Variants in MYO16 observed in about 807,000 individuals in gnomAD.
The protein encoded by MYO16 is unconventional myosin-XVI.
Under a neutral mutation model 205.3 loss-of-function variants are expected in MYO16, and 94 were observed. That is an observed-to-expected ratio of 0.46 (90% CI 0.39 to 0.54). MYO16 has a LOEUF of 0.54. Among genes scored for constraint, MYO16 ranks in the 20% least tolerant of loss-of-function variants. The pLI, the probability that MYO16 is intolerant of heterozygous loss-of-function variation, is 0.00. For missense variants in MYO16, 2,315 were observed against 2,387.5 expected (o/e 0.97, Z 0.63); for synonymous variants, 988 against 954.0 (o/e 1.04, Z -0.66).
chr13:108,693,665 C>T (rs7993264), intron 2 of MYO16, among the ~76,000 whole-genome samples: 35,061 of 152,026 alleles, frequency 0.23, 4,617 homozygotes, highest in East Asian at 0.45. Flanking sequence ...CTTTGGGCTG[C>T]TGTTGATAGG....
chr13:108,646,338 C>T (rs1357076432), intron 1 of MYO16, among the ~76,000 whole-genome samples: 2 of 152,092 alleles, frequency 1.3e-5, no homozygotes, highest in African/African-American at 4.8e-5. Context: ...ACCACATAAC[C>T]CCATTTTATT....
In MYO16 at chr13:109,207,709, A is replaced by G. The variant is rs1880662095; in HGVS notation, c.*873A>G. 1 of 152,248 alleles carries G rather than the reference A, an allele frequency of 6.6e-6. No individual in the cohort carries two copies. 9.4% of individuals were successfully genotyped at this position (152,248 alleles called of 1,614,324 possible). A position where few individuals can be genotyped will look rare whatever the true frequency, so the allele number is the denominator to read the frequency against. On this transcript the variant is annotated 3_prime_UTR_variant, in exon 35 of 35. Transcript: ENST00000457511. ...CCATAGCCGGTGGTGTAAAATGATC[A>G]TATTCATTCAAAGGCCTACACAGTA... is the stretch of plus-strand genomic sequence containing the variant.
intron 14 of MYO16, among the ~76,000 whole-genome samples, chr13:108,895,574 T>G (rs938730663): frequency 6.6e-6 from 1 of 152,198 alleles, no homozygotes; most frequent in African/African-American, 2.4e-5. Context: ...TTCTATGTCT[T>G]TATTGGTATT....
intron 9 of MYO16, among the ~76,000 whole-genome samples, chr13:108,840,303 G>C (rs1003099046): frequency 3.9e-5 from 6 of 151,982 alleles, no homozygotes; most frequent in Admixed American, 3.3e-4. Flanking sequence ...CTTTCCATCA[G>C]GCCTGACCTA....
rs1419672491 is a variant in MYO16 at position 109,019,803 on chromosome 13, A to G, written c.2688A>G (p.Leu896=). The change falls in exon 23 of 35, where the codon CTA becomes CTG. Residue 896 remains leucine (L), a synonymous_variant. Coordinates refer to ENST00000457511, the MANE Select transcript of MYO16 (RefSeq NM_001198950.3). ...TTCCAAAAAAACTACAAAGTCTCCT[A>G]GAATCCTCAAACACAAATGCGGTGT... ...SNFPKKLQSL[L]ESSNTNAVYS... 4 of 1,614,032 alleles carry G rather than the reference A, an allele frequency of 2.5e-6. No homozygotes were observed. The African/African-American group carries it at 5.3e-5, about 22-fold the overall frequency.
chr13:108,631,674 G>T (rs1421335718), intron 1 of MYO16, among the ~76,000 whole-genome samples: 1 of 152,146 alleles, frequency 6.6e-6, no homozygotes, highest in Admixed American at 6.5e-5. Context: ...CTGGAGAAAT[G>T]GTGCGATGTG....
intron 20 of MYO16, 37 bp from the exon 21 acceptor site, chr13:108,992,339 G>A: frequency 6.7e-7 from 1 of 1,486,816 alleles, no homozygotes; most frequent in Non-Finnish European, 9.3e-7. Context: ...GGAGTTTTAA[G>A]GATGCCCATT....
At chr13:108,768,922 A>C (rs1350695536) in intron 4 of MYO16, among the ~76,000 whole-genome samples, 1 of 152,002 alleles carries the variant, frequency 6.6e-6, no homozygotes, top group African/African-American at 2.4e-5. Flanking sequence ...GGCCATGAAC[A>C]TGTGAAGAAA....
At chr13:109,065,074 AC>A (rs989304067) in intron 27 of MYO16, among the ~76,000 whole-genome samples, 1 of 152,134 alleles carries the variant, frequency 6.6e-6, no homozygotes, top group Admixed American at 6.5e-5. Flanking sequence ...GGGGATGCAC[AC>A]GATGGTCCCT....
intron 6 of MYO16, among the ~76,000 whole-genome samples, chr13:108,804,118 A>G (rs1566339645): frequency 6.6e-6 from 1 of 152,100 alleles, no homozygotes; most frequent in Non-Finnish European, 1.5e-5. Flanking sequence ...TGGGCCAGTT[A>G]CCTAAACTCT....
intron 16 of MYO16, among the ~76,000 whole-genome samples, chr13:108,926,520 G>A (rs1882013339): frequency 6.6e-6 from 1 of 152,152 alleles, no homozygotes; most frequent in Admixed American, 6.5e-5. Context: ...CGCAGGAGAA[G>A]TGAAAAGCAG....
At chr13:108,524,745 G>C in the MYO16 span, among the ~76,000 whole-genome samples, 1 of 152,110 alleles carries the variant, frequency 6.6e-6, no homozygotes, top group Non-Finnish European at 1.5e-5. Flanking sequence ...CTGGAGCATG[G>C]ATTGGGATTG....
intron 27 of MYO16, among the ~76,000 whole-genome samples, chr13:109,070,246 A>G (rs977986516): frequency 1.9e-4 from 29 of 152,316 alleles, no homozygotes; most frequent in African/African-American, 7.0e-4. Flanking sequence ...CATAAGTCTC[A>G]TTGGATTTCA....
At chr13:108,797,886 TAATC>T (rs1886840072) in intron 6 of MYO16, among the ~76,000 whole-genome samples, 1 of 152,040 alleles carries the variant, frequency 6.6e-6, no homozygotes, top group Admixed American at 6.5e-5. Context: ...GCTATTGAAG[TAATC>T]AATACAGAGC....
intron 9 of MYO16, among the ~76,000 whole-genome samples, chr13:108,831,670 A>T (rs527336748): frequency 2.7e-4 from 41 of 152,060 alleles, no homozygotes; most frequent in Non-Finnish European, 4.3e-4. Context: ...CCACCACCAC[A>T]CCCAGCTAAT....
chr13:108,805,360 G>A (rs569896394), intron 6 of MYO16, among the ~76,000 whole-genome samples: 14 of 152,130 alleles, frequency 9.2e-5, no homozygotes, highest in Non-Finnish European at 1.8e-4. Context: ...TTTACACTCC[G>A]TAGATTGAAG....
intron 12 of MYO16, among the ~76,000 whole-genome samples, chr13:108,876,000 T>C (rs1182237668): frequency 6.6e-6 from 1 of 151,854 alleles, no homozygotes; most frequent in East Asian, 1.9e-4. Context: ...AATAGAGAGT[T>C]GAAAAACATT....
intron 14 of MYO16, 144 bp downstream of exon 14, chr13:108,888,621 G>T (rs7139741): frequency 0.21 from 99,045 of 473,754 alleles, 12,049 homozygotes; most frequent in Middle Eastern, 0.3. Context: ...TTGAGCTTGG[G>T]TTCAAATAAA....
At chr13:108,775,249 T>C (rs1886088373) in intron 4 of MYO16, among the ~76,000 whole-genome samples, 1 of 152,170 alleles carries the variant, frequency 6.6e-6, no homozygotes, top group Admixed American at 6.6e-5. Flanking sequence ...TTTCTCTCAG[T>C]TTTTTTATTC....
Sources: allele counts gnomAD v4.1 joint callset (sites outside exome capture counted in the v4.1 genomes callset), GRCh38; gene constraint gnomAD v4.1.1; transcripts MANE v1.5; gene names NCBI Gene and HGNC (gene_info 2026-07-23, HGNC 2026-07-21).